OR2T4: variants seen among roughly 807,000 people sequenced by gnomAD.
OR2T4 encodes the protein olfactory receptor 2T4.
For synonymous variants in OR2T4, 149 were observed against 145.6 expected (o/e 1.02, Z -0.17); for missense variants, 374 against 395.6 (o/e 0.95, Z 0.46).
chr1:248,361,750 C>A lies in OR2T4; in HGVS notation c.86C>A (p.Ala29Glu). The change falls in exon 1 of 1, where the codon GCA becomes GAA. Residue 29 changes from alanine (A) to glutamate (E), a missense_variant. By Grantham distance (107) the Ala-to-Glu change is moderately radical (BLOSUM62 -1). Transcript: ENST00000366473. ...LGLFRQSKHP[A>E]LLCVVIFVVF... ...CTCTTCAGACAATCCAAACATCCAG[C>A]ACTACTTTGTGTGGTCATTTTTGTG... The A allele has an allele frequency of 2.5e-6, 4 of 1,605,832 alleles. No individual in the cohort carries two copies. Among genetic ancestry groups the A allele is most frequent in the Non-Finnish European group, 3.4e-6 (4 of 1,174,410 alleles).
chr1:248,362,221 C>A lies in OR2T4; in HGVS notation c.557C>A (p.Pro186His), dbSNP rs1161549485. 5 of 1,614,150 alleles carry A rather than the reference C, an allele frequency of 3.1e-6. No individual in the cohort carries two copies. Among genetic ancestry groups the A allele is most frequent in the Middle Eastern group, 3.3e-4 (2 of 6,062 alleles). ...ATTCATCATTTCTTCTGTGAAGTTCCTGCTGTATTGAATCTCTCCTGCTCA... is the reference window on the plus strand; with the variant it reads ...ATTCATCATTTCTTCTGTGAAGTTCATGCTGTATTGAATCTCTCCTGCTCA... ...REIHHFFCEV[P>H]AVLNLSCSDT... is the part of the protein sequence containing the mutation. The change falls in exon 1 of 1, where the codon CCT becomes CAT. Residue 186 changes from proline (P) to histidine (H), a missense_variant. Physicochemically the swap from Pro to His is moderately conservative, Grantham distance 77 (BLOSUM62 -2). Coordinates refer to ENST00000366473, the MANE Select transcript of OR2T4 (RefSeq NM_001004696.2).
rs554938356 is a variant in OR2T4, at chr1:248,362,181, C to T, written c.517C>T (p.Arg173Cys). 832 of 1,614,158 alleles carry T rather than the reference C, an allele frequency of 5.2e-4. 10 individuals are homozygous for T. The South Asian group carries it at 8.7e-3, about 17-fold the overall frequency. Residue 173 changes from arginine to cysteine, a missense_variant, in exon 1 of 1, where the codon CGT becomes TGT. By Grantham distance (180) the Arg-to-Cys change is radical. Transcript: ENST00000366473. ...TCCCATCACCATGACCTTCCCCTTC[C>T]GTGGATCCCGGGAGATTCATCATTT... ...FTPITMTFPF[R>C]GSREIHHFFC...
Position 248,362,476 on chromosome 1 carries a change from C to A in OR2T4, c.812C>A (p.Thr271Asn), listed in dbSNP as rs952011660. ...TACATGCTCCCCAGCTCCTACCACACCCCTGAGAAGGACATGATGGTATCT... is the reference window on the plus strand; with the variant it reads ...TACATGCTCCCCAGCTCCTACCACAACCCTGAGAAGGACATGATGGTATCT... Reference protein sequence around the residue: ...YTYMLPSSYHTPEKDMMVSVF... With the variant: ...YTYMLPSSYHNPEKDMMVSVF... Residue 271 changes from threonine to asparagine, a missense_variant, in exon 1 of 1, where the codon ACC (threonine) becomes AAC (asparagine). Coordinates refer to ENST00000366473, the MANE Select transcript of OR2T4 (RefSeq NM_001004696.2). The A allele has an allele frequency of 5.0e-6, 8 of 1,614,124 alleles. No individual in the cohort carries two copies. The highest frequency in any genetic ancestry group is 1.7e-5 in the Admixed American group (1 of 60,020).
chr1:248,362,015 C>T lies in OR2T4; in HGVS notation c.351C>T (p.Phe117=), dbSNP rs1313221663. 3 of 1,605,532 alleles carry T rather than the reference C, an allele frequency of 1.9e-6. No homozygotes were observed. The highest frequency in any genetic ancestry group is 2.5e-6 in the Non-Finnish European group (3 of 1,177,874). Residue 117 remains phenylalanine (F), a synonymous_variant, in exon 1 of 1, where the codon TTC becomes TTT. Transcript: ENST00000366473. The part of the protein sequence containing the change: ...FYVTLAGSEF[F]LLATMAYDRY... ...TGACACTAGCAGGTTCAGAATTTTT[C>T]CTTCTAGCCACCATGGCCTATGACC...
Position 248,361,809 on chromosome 1 carries a change from C to T in OR2T4, c.145C>T (p.Leu49=), listed in dbSNP as rs1660695313. ...GATGGCGTTGTCTGGAAATGCTGTC[C>T]TGATCCTTCTGATACACTGTGACGC... The part of the protein sequence containing the change: ...FLMALSGNAV[L]ILLIHCDAHL... The change falls in exon 1 of 1, where the codon CTG becomes TTG. Residue 49 remains leucine (L), a synonymous_variant. Coordinates refer to ENST00000366473, the MANE Select transcript of OR2T4 (RefSeq NM_001004696.2). The T allele has an allele frequency of 1.9e-6, 3 of 1,613,980 alleles. No individual in the cohort carries two copies. Among genetic ancestry groups the T allele is most frequent in the Non-Finnish European group, 2.5e-6 (3 of 1,180,014 alleles).
Position 248,362,068 on chromosome 1 carries a change from G to C in OR2T4, c.404G>C (p.Arg135Pro), listed in dbSNP as rs756078095. ...DRYVAICHPL[R>P]YPVLMNHRVC... ...TACGTGGCCATCTGCCATCCTCTCC[G>C]TTACCCTGTCCTCATGAACCATAGG... Residue 135 changes from arginine (R) to proline (P), a missense_variant, in exon 1 of 1, where the codon CGT becomes CCT. Coordinates refer to ENST00000366473, the MANE Select transcript of OR2T4 (RefSeq NM_001004696.2). 1 of 1,614,080 alleles carries C rather than the reference G, an allele frequency of 6.2e-7. No homozygotes were observed. The highest frequency in any genetic ancestry group is 8.5e-7 in the Non-Finnish European group (1 of 1,180,004).
rs28405645 is a variant in OR2T4 at position 248,362,345 on chromosome 1, C to T, written c.681C>T (p.Leu227=). ...IISSSYLLIL[L]TIHGMNSAEG... ...CAAGCTCCTATTTACTCATCCTCCT[C>T]ACCATCCACGGGATGAACTCAGCAG... Residue 227 remains leucine, a synonymous_variant, in exon 1 of 1, where the codon CTC becomes CTT. Coordinates refer to ENST00000366473, the MANE Select transcript of OR2T4 (RefSeq NM_001004696.2). 277 of 1,613,788 alleles carry T rather than the reference C, an allele frequency of 1.7e-4. No individual in the cohort carries two copies. In the African/African-American group the frequency reaches 3.1e-3, roughly 18 times the overall value.
chr1:248,361,804 C>G lies in OR2T4; in HGVS notation c.140C>G (p.Ala47Gly), dbSNP rs750978327. 3 of 1,614,046 alleles carry G rather than the reference C, an allele frequency of 1.9e-6. No homozygotes were observed. Among genetic ancestry groups the G allele is most frequent in the Non-Finnish European group, 2.5e-6 (3 of 1,179,986 alleles). The stretch of plus-strand genomic sequence containing the variant: ...TTCCTGATGGCGTTGTCTGGAAATG[C>G]TGTCCTGATCCTTCTGATACACTGT... Reference protein sequence around the residue: ...VVFLMALSGNAVLILLIHCDA... With the variant: ...VVFLMALSGNGVLILLIHCDA... Residue 47 changes from alanine to glycine, a missense_variant, in exon 1 of 1, where the codon GCT becomes GGT. Physicochemically the swap from Ala to Gly is moderately conservative, Grantham distance 60 (BLOSUM62 0). Transcript: ENST00000366473.
rs549704888 is a variant in OR2T4, at chr1:248,361,998, G to A, written c.334G>A (p.Ala112Thr). 3.7e-6 allele frequency: 6 copies of A among 1,611,568 alleles called. No individual in the cohort carries two copies. The African/African-American group carries it at 8.1e-5, about 22-fold the overall frequency. The change falls in exon 1 of 1, where the codon GCA becomes ACA. Residue 112 changes from alanine to threonine, a missense_variant. Ala to Thr is a moderately conservative substitution (Grantham distance 58). Coordinates refer to ENST00000366473, the MANE Select transcript of OR2T4 (RefSeq NM_001004696.2). The stretch of plus-strand genomic sequence containing the variant: ...GCAGATGTTCTTCTACGTGACACTA[G>A]CAGGTTCAGAATTTTTCCTTCTAGC... ...GMQMFFYVTL[A>T]GSEFFLLATM...
At position 248,361,745 on chromosome 1, in the gene OR2T4, T is replaced by A; in HGVS notation, c.81T>A (p.His27Gln). The A allele has an allele frequency of 6.2e-7, 1 of 1,602,416 alleles. No individual in the cohort carries two copies. Among genetic ancestry groups the A allele is most frequent in the Non-Finnish European group, 8.5e-7 (1 of 1,172,048 alleles). Residue 27 changes from histidine to glutamine, a missense_variant, in exon 1 of 1, where the codon CAT (histidine) becomes CAA (glutamine). His to Gln is a conservative substitution (Grantham distance 24). Coordinates refer to ENST00000366473, the MANE Select transcript of OR2T4 (RefSeq NM_001004696.2). ...ILLGLFRQSK[H>Q]PALLCVVIFV... is the part of the protein sequence containing the mutation. ...TGGGACTCTTCAGACAATCCAAACA[T>A]CCAGCACTACTTTGTGTGGTCATTT...
In OR2T4 at chr1:248,362,388, T is replaced by C; in HGVS notation, c.724T>C (p.Phe242Leu). 6.2e-7 allele frequency: 1 copy of C among 1,614,066 alleles called. No individual in the cohort carries two copies. The highest frequency in any genetic ancestry group is 2.2e-5 in the East Asian group (1 of 44,852). ...CTCAGCAGAGGGCCGGAAAAAGGCC[T>C]TTGCCACCTGCTCCTCCCACCTGAC... ...MNSAEGRKKA[F>L]ATCSSHLTVV... Residue 242 changes from phenylalanine (F) to leucine (L), a missense_variant, in exon 1 of 1, where the codon TTT becomes CTT. Coordinates refer to ENST00000366473, the MANE Select transcript of OR2T4 (RefSeq NM_001004696.2).
rs778543023 is a variant in OR2T4, at chr1:248,361,825, A to G, written c.161A>G (p.His54Arg). The change falls in exon 1 of 1, where the codon CAC becomes CGC. Residue 54 changes from histidine to arginine, a missense_variant. His to Arg is a conservative substitution (Grantham distance 29). Transcript: ENST00000366473. ...AATGCTGTCCTGATCCTTCTGATAC[A>G]CTGTGACGCCCACCTCCACACCCCC... is the stretch of plus-strand genomic sequence containing the variant. The part of the protein sequence containing the change: ...SGNAVLILLI[H>R]CDAHLHTPMY... The G allele has an allele frequency of 1.9e-6, 3 of 1,613,922 alleles. No individual in the cohort carries two copies. The highest frequency in any genetic ancestry group is 2.2e-5 in the East Asian group (1 of 44,874).
In OR2T4 at chr1:248,362,339, C is replaced by G; in HGVS notation, c.675C>G (p.Ile225Met). 6.2e-7 allele frequency: 1 copy of G among 1,613,916 alleles called. No individual in the cohort carries two copies. Among genetic ancestry groups the G allele is most frequent in the Non-Finnish European group, 8.5e-7 (1 of 1,179,844 alleles). The change falls in exon 1 of 1, where the codon ATC becomes ATG. Residue 225 changes from isoleucine to methionine, a missense_variant. By Grantham distance (10) the Ile-to-Met change is conservative. Coordinates refer to ENST00000366473, the MANE Select transcript of OR2T4 (RefSeq NM_001004696.2). Reference protein sequence around the residue: ...VVIISSSYLLILLTIHGMNSA... With the variant: ...VVIISSSYLLMLLTIHGMNSA... ...TCATTTCAAGCTCCTATTTACTCAT[C>G]CTCCTCACCATCCACGGGATGAACT...
rs1311273310 is a variant in OR2T4, at chr1:248,362,071, A to G, written c.407A>G (p.Tyr136Cys). The G allele has an allele frequency of 6.2e-7, 1 of 1,613,948 alleles. No homozygotes were observed. Among genetic ancestry groups the G allele is most frequent in the Non-Finnish European group, 8.5e-7 (1 of 1,179,988 alleles). The change falls in exon 1 of 1, where the codon TAC becomes TGC. Residue 136 changes from tyrosine (Y) to cysteine (C), a missense_variant. Coordinates refer to ENST00000366473, the MANE Select transcript of OR2T4 (RefSeq NM_001004696.2). Reference sequence around the variant, plus strand: ...GTGGCCATCTGCCATCCTCTCCGTTACCCTGTCCTCATGAACCATAGGGTG... The same window carrying G: ...GTGGCCATCTGCCATCCTCTCCGTTGCCCTGTCCTCATGAACCATAGGGTG... ...RYVAICHPLR[Y>C]PVLMNHRVCL...
At position 248,362,421 on chromosome 1, in the gene OR2T4, A is replaced by G; in HGVS notation, c.757A>G (p.Ile253Val). The G allele has an allele frequency of 4.3e-6, 7 of 1,614,088 alleles. No homozygotes were observed. Among genetic ancestry groups the G allele is most frequent in the Non-Finnish European group, 5.9e-6 (7 of 1,180,012 alleles). Residue 253 changes from isoleucine to valine, a missense_variant, in exon 1 of 1, where the codon ATC becomes GTC. Transcript: ENST00000366473. Reference protein sequence around the residue: ...ATCSSHLTVVILFYGAAIYTY... With the variant: ...ATCSSHLTVVVLFYGAAIYTY... ...CTGCTCCTCCCACCTGACTGTGGTC[A>G]TCCTCTTCTATGGGGCTGCCATCTA...
rs765691825 is a variant in OR2T4 at position 248,362,594 on chromosome 1, A to G, written c.930A>G (p.Thr310=). The change falls in exon 1 of 1, where the codon ACA becomes ACG. Residue 310 remains threonine (T), a synonymous_variant. Transcript: ENST00000366473. ...TGGGGGCTCTGAAGAAAATGTTAAC[A>G]GTGGAACCTGCCTTTCAAAAAGCTA... ...DVMGALKKML[T]VEPAFQKAME The G allele has an allele frequency of 6.2e-7, 1 of 1,614,170 alleles. No homozygotes were observed. The highest frequency in any genetic ancestry group is 1.1e-5 in the South Asian group (1 of 91,084).
chr1:248,362,585 A>G lies in OR2T4; in HGVS notation c.921A>G (p.Lys307=). Residue 307 remains lysine (K), a synonymous_variant, in exon 1 of 1, where the codon AAA becomes AAG. Transcript: ENST00000366473. ...RNKDVMGALK[K]MLTVEPAFQK... is the part of the protein sequence containing the mutation. ...AGGATGTCATGGGGGCTCTGAAGAA[A>G]ATGTTAACAGTGGAACCTGCCTTTC... 6.2e-7 allele frequency: 1 copy of G among 1,614,152 alleles called. No homozygotes were observed. Among genetic ancestry groups the G allele is most frequent in the Non-Finnish European group, 8.5e-7 (1 of 1,179,998 alleles).
chr1:248,362,584 A>G lies in OR2T4; in HGVS notation c.920A>G (p.Lys307Arg). The change falls in exon 1 of 1, where the codon AAA becomes AGA. Residue 307 changes from lysine to arginine, a missense_variant. Coordinates refer to ENST00000366473, the MANE Select transcript of OR2T4 (RefSeq NM_001004696.2). ...AAGGATGTCATGGGGGCTCTGAAGA[A>G]AATGTTAACAGTGGAACCTGCCTTT... ...RNKDVMGALKKMLTVEPAFQK... is the reference protein window; with the variant it reads ...RNKDVMGALKRMLTVEPAFQK... 1 of 1,614,150 alleles carries G rather than the reference A, an allele frequency of 6.2e-7. No homozygotes were observed. The highest frequency in any genetic ancestry group is 8.5e-7 in the Non-Finnish European group (1 of 1,179,998).
At position 248,362,258 on chromosome 1, in the gene OR2T4, CTA is replaced by C; in HGVS notation, c.596_597del (p.Tyr199Ter). 1.9e-6 allele frequency: 3 copies of C among 1,614,150 alleles called. No homozygotes were observed. Among genetic ancestry groups the C allele is most frequent in the Non-Finnish European group, 1.7e-6 (2 of 1,179,990 alleles). On this transcript the variant is annotated frameshift_variant, in exon 1 of 1. Transcript: ENST00000366473. LOFTEE classifies it low-confidence loss of function (END_TRUNC). ...ATCTCTCCTGCTCAGACACCTCACT[CTA>C]TGAGATTTTCATGTACTTGTGCTGT... ...LNLSCSDTSL[Y>X]EIFMYLCCVL...
Sources: gnomAD v4.1 joint callset for allele counts on GRCh38, gnomAD v4.1.1 for gene constraint, MANE v1.5 for transcripts, NCBI Gene and HGNC (gene_info 2026-07-23, HGNC 2026-07-21) for gene names.